The following VAT1L variants were observed in gnomAD, a reference collection of about 807,000 sequenced individuals.
VAT1L encodes vesicle amine transport 1 like, also known as putative NADPH-dependent quinone oxidoreductase VAT1L.
A neutral mutation model predicts 44.1 loss-of-function variants in VAT1L; 34 were observed. That is an observed-to-expected ratio of 0.77 (90% CI 0.59 to 1.03). The LOEUF (loss-of-function observed/expected upper bound fraction) is 1.03, where lower values mean the gene tolerates loss of function less well. Ranked by LOEUF, VAT1L falls within the 50% of genes least tolerant of loss-of-function variation. The pLI is 0.00. For synonymous variants in VAT1L, 253 were observed against 202.2 expected, an observed-to-expected ratio of 1.25 and a Z score of -2.13; for missense variants, 615 against 538.8, an observed-to-expected ratio of 1.14 and a Z score of -1.40.
intron 7 of VAT1L, among the ~76,000 whole-genome samples, chr16:77,936,091 G>T (rs1350636125): frequency 6.6e-6 from 1 of 152,186 alleles, no homozygotes; most frequent in Non-Finnish European, 1.5e-5. Flanking sequence ...TGATAAGGTT[G>T]TGGGGAGACT....
At chr16:77,836,631 C>A (rs1381113448) in intron 3 of VAT1L, among the ~76,000 whole-genome samples, 1 of 152,108 alleles carries the variant, frequency 6.6e-6, no homozygotes, top group African/African-American at 2.4e-5. Flanking sequence ...TCTCTAATGC[C>A]AACAGCACAT....
In VAT1L at chr16:77,907,969, G is replaced by A. The variant is rs144024239; in HGVS notation, c.1077+23167G>A. 3.2e-3 allele frequency among the ~76,000 whole-genome samples: 488 copies of A among 152,264 alleles called. 2 individuals carry two copies. The highest frequency in any genetic ancestry group is 7.1e-3 in the Admixed American group (108 of 15,294). ...AAAAGCCATCAAAAGGGCTGGACAC[G>A]GGGGCTCACGCCTGTAATCCCAGCA... is the stretch of plus-strand genomic sequence containing the variant. On this transcript the variant is annotated intron_variant, in intron 7 of 8. Coordinates refer to ENST00000302536, the MANE Select transcript of VAT1L (RefSeq NM_020927.3).
At chr16:77,945,232 G>A (rs1182168295) in intron 7 of VAT1L, among the ~76,000 whole-genome samples, 1 of 145,936 alleles carries the variant, frequency 6.9e-6, no homozygotes, top group Non-Finnish European at 1.5e-5. Context: ...TCTGTGCTTA[G>A]TGAGGCCACT....
chr16:77,919,311 T>A (rs2017586396), intron 7 of VAT1L, among the ~76,000 whole-genome samples: 1 of 152,196 alleles, frequency 6.6e-6, no homozygotes, highest in Non-Finnish European at 1.5e-5. Flanking sequence ...TAGACCAGGA[T>A]GCTGTTTTGA....
chr16:77,932,717 C>T (rs1175052489), intron 7 of VAT1L, among the ~76,000 whole-genome samples: 1 of 152,168 alleles, frequency 6.6e-6, no homozygotes, highest in African/African-American at 2.4e-5. Context: ...ATTCAGCAAT[C>T]CCTGAGATCC....
chr16:77,960,442 C>A (rs910298306), intron 7 of VAT1L, among the ~76,000 whole-genome samples: 1 of 152,140 alleles, frequency 6.6e-6, no homozygotes, highest in African/African-American at 2.4e-5. Context: ...ATTACCCACC[C>A]TGGGCCTGAA....
At chr16:77,820,239 G>A (rs573829630) in intron 2 of VAT1L, among the ~76,000 whole-genome samples, 6 of 152,238 alleles carry the variant, frequency 3.9e-5, no homozygotes, top group African/African-American at 1.4e-4. Flanking sequence ...AACACTAGGA[G>A]GAGATGACAA....
At chr16:77,824,343 T>C (rs1389597519) in intron 2 of VAT1L, among the ~76,000 whole-genome samples, 1 of 152,140 alleles carries the variant, frequency 6.6e-6, no homozygotes, top group Non-Finnish European at 1.5e-5. Flanking sequence ...TGAAGATGGG[T>C]GGACAAGAAA....
intron 3 of VAT1L, among the ~76,000 whole-genome samples, chr16:77,851,583 T>G (rs1597066745): frequency 2.0e-5 from 3 of 151,824 alleles, no homozygotes; most frequent in Non-Finnish European, 4.4e-5. Flanking sequence ...AGACCAAGAG[T>G]TTGAGTTTAC....
chr16:77,912,426 A>T, intron 7 of VAT1L, among the ~76,000 whole-genome samples: 2 of 152,252 alleles, frequency 1.3e-5, no homozygotes, highest in Middle Eastern at 6.8e-3. Flanking sequence ...AAGGTGGTTC[A>T]TTATACAAGT....
intron 8 of VAT1L, among the ~76,000 whole-genome samples, chr16:77,977,248 G>A (rs1003500764): frequency 2.6e-5 from 4 of 152,256 alleles, no homozygotes; most frequent in Admixed American, 2.0e-4. Flanking sequence ...GTCCCCCAGG[G>A]TCTCTCAGAG....
At chr16:77,881,759 G>C (rs1167385851) in intron 6 of VAT1L, among the ~76,000 whole-genome samples, 3 of 152,252 alleles carry the variant, frequency 2.0e-5, no homozygotes, top group Non-Finnish European at 4.4e-5. Context: ...TGTAATGAAG[G>C]ATGCTGTCTG....
chr16:77,788,692 G>A lies in VAT1L; in HGVS notation c.10G>A (p.Glu4Lys). Residue 4 changes from glutamate (E) to lysine (K), a missense_variant, in exon 1 of 9, where the codon GAA becomes AAA. Glu to Lys is a moderately conservative substitution (Grantham distance 56). Transcript: ENST00000302536. MAK[E>K]GVEKAEETEQ... ...CGCGCCCTCGAGCGCCATGGCCAAGGAAGGCGTGGAGAAGGCGGAGGAGAC... is the reference window on the plus strand; with the variant it reads ...CGCGCCCTCGAGCGCCATGGCCAAGAAAGGCGTGGAGAAGGCGGAGGAGAC... 2 of 1,550,734 alleles carry A rather than the reference G, an allele frequency of 1.3e-6. No homozygotes were observed. Among genetic ancestry groups the A allele is most frequent in the Non-Finnish European group, 1.7e-6 (2 of 1,146,972 alleles).
intron 7 of VAT1L, among the ~76,000 whole-genome samples, chr16:77,896,618 G>C (rs1206733022): frequency 1.3e-5 from 2 of 152,178 alleles, no homozygotes; most frequent in East Asian, 1.9e-4. Context: ...GAGAACACAG[G>C]ATATGCCCCG....
chr16:77,944,657 G>C (rs926054845), intron 7 of VAT1L, among the ~76,000 whole-genome samples: 2 of 152,156 alleles, frequency 1.3e-5, no homozygotes, highest in Non-Finnish European at 1.5e-5. Context: ...ATATTGTTAT[G>C]TTCTCAACAA....
At chr16:77,842,154 T>C (rs1378939701) in intron 3 of VAT1L, among the ~76,000 whole-genome samples, 1 of 152,204 alleles carries the variant, frequency 6.6e-6, no homozygotes, top group Non-Finnish European at 1.5e-5. Flanking sequence ...CCCAAAGTGC[T>C]GGGATTACAG....
Position 77,853,281 on chromosome 16 carries a change from C to T in VAT1L, c.580-9467C>T, listed in dbSNP as rs577471000. Among the ~76,000 whole-genome samples, 4 of 152,268 alleles carry T rather than the reference C, an allele frequency of 2.6e-5. No homozygotes were observed. In the East Asian group the frequency reaches 7.7e-4, roughly 29 times the overall value. ...ACTGTGTTGGTCATGCCCTGATCTACAGGATCCCACACACTAAACCCATGG... is the reference window on the plus strand; with the variant it reads ...ACTGTGTTGGTCATGCCCTGATCTATAGGATCCCACACACTAAACCCATGG... On this transcript the variant is annotated intron_variant, in intron 3 of 8. Coordinates refer to ENST00000302536, the MANE Select transcript of VAT1L (RefSeq NM_020927.3).
chr16:77,945,567 G>T lies in VAT1L; in HGVS notation c.1078-26283G>T, dbSNP rs375615501. On this transcript the variant is annotated intron_variant, in intron 7 of 8. Transcript: ENST00000302536. ...AGCCTCCTAAAGCACTGGGATTACA[G>T]GTGTTAGCCACCACACCTGGCCAGA... Among the ~76,000 whole-genome samples, 150 of 151,978 alleles carry T rather than the reference G, an allele frequency of 9.9e-4. 2 individuals are homozygous for T. The highest frequency in any genetic ancestry group is 3.0e-3 in the African/African-American group (124 of 41,474).
chr16:77,853,644 C>G (rs1402832586), intron 3 of VAT1L, among the ~76,000 whole-genome samples: 2 of 151,922 alleles, frequency 1.3e-5, no homozygotes, highest in Non-Finnish European at 2.9e-5. Flanking sequence ...GCTGCAGGGC[C>G]CCATCCTGGA....
Sources: allele counts gnomAD v4.1 joint callset (sites outside exome capture counted in the v4.1 genomes callset), GRCh38; gene constraint gnomAD v4.1.1; transcripts MANE v1.5; gene names NCBI Gene and HGNC (gene_info 2026-07-23, HGNC 2026-07-21).